The following SPINT2 variants were observed in gnomAD, a reference collection of about 807,000 sequenced individuals.
The protein encoded by SPINT2 is serine peptidase inhibitor, Kunitz type 2.
In SPINT2, 18 loss-of-function variants were observed where a neutral mutation model predicts 30.1. The observed-to-expected ratio is 0.60, with a 90% CI of 0.41 to 0.89. The LOEUF is 0.89. Among genes scored for constraint, SPINT2 ranks in the 40% least tolerant of loss-of-function variants. The pLI is 0.00. For synonymous variants in SPINT2, 139 were observed against 137.9 expected (o/e 1.01, Z -0.05); for missense variants, 276 against 334.3 (o/e 0.83, Z 1.36).
intron 6 of SPINT2, chr19:38,291,583 T>A (rs1322248979): frequency 1.2e-5 from 6 of 504,152 alleles, no homozygotes; most frequent in Non-Finnish European, 2.1e-5. Context: ...GGAACACAGA[T>A]GACTACTCTG....
In SPINT2 at chr19:38,290,907, A is replaced by T. The variant is rs1968710035; in HGVS notation, c.592+332A>T. On this transcript the variant is annotated intron_variant, in intron 6 of 6. Transcript: ENST00000301244. The surrounding 1 kb of genome is among the most constrained non-coding windows in gnomAD (Gnocchi z 4.3). ...GAGGGAGCGCTGCTATGTGGGGCAT[A>T]AGAGTTGGTCACGGGTGACAGGACG... is the stretch of plus-strand genomic sequence containing the variant. 2.2e-6 allele frequency: 1 copy of T among 446,086 alleles called. No individual in the cohort carries two copies. The highest frequency in any genetic ancestry group is 4.2e-6 in the Non-Finnish European group (1 of 239,090). The allele number at this position is 446,086 out of a possible 1,614,324, so 27.6% of individuals were successfully genotyped here.
rs147963366 is a variant in SPINT2, at chr19:38,266,504, C to T, written c.106+1506C>T. On this transcript the variant is annotated intron_variant, in intron 1 of 6. Transcript: ENST00000301244. ...CACCCTAGGCAACATGATGAAACCC[C>T]GTCTCTACCAAAAATACAAAAATTA... Among the ~76,000 whole-genome samples, 1,154 of 152,166 alleles carry T rather than the reference C, an allele frequency of 7.6e-3. 14 individuals are homozygous for T. The highest frequency in any genetic ancestry group is 0.025 in the African/African-American group (1,057 of 41,518).
At chr19:38,286,656 G>C (rs181951961) in intron 2 of SPINT2, among the ~76,000 whole-genome samples, 2 of 152,278 alleles carry the variant, frequency 1.3e-5, no homozygotes, top group East Asian at 3.9e-4. Context: ...GGTGGCGGGC[G>C]CCTGTGGTCC....
intron 1 of SPINT2, among the ~76,000 whole-genome samples, chr19:38,272,500 G>A (rs41465446): frequency 0.11 from 16,940 of 152,184 alleles, 1,042 homozygotes; most frequent in East Asian, 0.16. Flanking sequence ...AATGGTCCAT[G>A]ATTTGCACAA....
chr19:38,276,440 G>A (rs907464798), intron 1 of SPINT2, among the ~76,000 whole-genome samples: 9 of 152,026 alleles, frequency 5.9e-5, no homozygotes, highest in Non-Finnish European at 1.0e-4. Flanking sequence ...TCAGGAGATC[G>A]AAACCACTGT....
intron 3 of SPINT2, among the ~76,000 whole-genome samples, chr19:38,288,211 C>T (rs1275191155): frequency 6.6e-6 from 1 of 152,154 alleles, no homozygotes; most frequent in Non-Finnish European, 1.5e-5. Context: ...GTGGCTGCTG[C>T]CCATGAGGCT....
chr19:38,266,391 G>A (rs952778825), intron 1 of SPINT2, among the ~76,000 whole-genome samples: 3 of 149,190 alleles, frequency 2.0e-5, no homozygotes, highest in Non-Finnish European at 4.4e-5. Context: ...AAAAAAAAAA[G>A]AAGGCCGGGT....
chr19:38,286,477 C>T (rs1245294056), intron 2 of SPINT2, among the ~76,000 whole-genome samples: 1 of 152,140 alleles, frequency 6.6e-6, no homozygotes, highest in Non-Finnish European at 1.5e-5. Flanking sequence ...GGGAGATAAG[C>T]GCTGTGTAAA....
At chr19:38,283,477 T>C in intron 1 of SPINT2, 150 bp from the exon 2 acceptor site, 1 of 927,656 alleles carries the variant, frequency 1.1e-6, no homozygotes, top group Non-Finnish European at 1.7e-6. Flanking sequence ...AGTGGGCCTG[T>C]TGACGATCTG....
In SPINT2 at chr19:38,290,725, G is replaced by T; in HGVS notation, c.592+150G>T. ...TGTTTCTGCGTGAGAATGGCGAGGT[G>T]GTGGTTTGTCCCACCGTTCAGTGTA... On this transcript the variant is annotated intron_variant, in intron 6 of 6. Coordinates refer to ENST00000301244, the MANE Select transcript of SPINT2 (RefSeq NM_021102.4). This position sits in a 1 kb window ranked among gnomAD's most constrained non-coding sequence, Gnocchi z 4.3. The T allele has an allele frequency of 3.5e-6, 4 of 1,145,150 alleles. No homozygotes were observed. The highest frequency in any genetic ancestry group is 5.1e-6 in the Non-Finnish European group (4 of 792,062). The allele number at this position is 1,145,150 out of a possible 1,614,324, so 70.9% of individuals were successfully genotyped here.
intron 1 of SPINT2, among the ~76,000 whole-genome samples, chr19:38,269,607 C>CTTTTTTT (rs1189751582): frequency 2.8e-5 from 3 of 106,188 alleles, no homozygotes; most frequent in South Asian, 3.1e-4. Flanking sequence ...GATTTCTTTT[C>CTTTTTTT]TTTTTTTTTT....
At chr19:38,283,874 C>G in intron 2 of SPINT2, 77 bp downstream of exon 2, 3 of 1,423,114 alleles carry the variant, frequency 2.1e-6, no homozygotes, top group Non-Finnish European at 2.8e-6. Flanking sequence ...CGGAGTCTTG[C>G]TCTGTCGCCC....
At chr19:38,274,826 A>AAC (rs1968497496) in intron 1 of SPINT2, among the ~76,000 whole-genome samples, 1 of 151,688 alleles carries the variant, frequency 6.6e-6, no homozygotes, top group African/African-American at 2.4e-5. Flanking sequence ...AAAAAAAAAA[A>AAC]ACATAAAATG....
chr19:38,274,030 A>G (rs954509784), intron 1 of SPINT2, among the ~76,000 whole-genome samples: 2 of 152,124 alleles, frequency 1.3e-5, no homozygotes, highest in Admixed American at 1.3e-4. Flanking sequence ...CAGGACTTCA[A>G]TACTAGTCTG....
intron 2 of SPINT2, among the ~76,000 whole-genome samples, chr19:38,287,607 A>G (rs931966837): frequency 6.6e-6 from 1 of 151,598 alleles, no homozygotes; most frequent in African/African-American, 2.4e-5. Flanking sequence ...AATTACAGCC[A>G]TGAGCCACCA....
intron 4 of SPINT2, 174 bp from the exon 5 acceptor site, chr19:38,289,945 A>G (rs1968694803): frequency 2.8e-6 from 2 of 720,670 alleles, no homozygotes; most frequent in Admixed American, 2.2e-5. Context: ...CCTGGACCCA[A>G]GGAGCAGCGC....
intron 1 of SPINT2, among the ~76,000 whole-genome samples, chr19:38,279,432 G>T (rs1219059757): frequency 6.6e-6 from 1 of 151,764 alleles, no homozygotes; most frequent in Non-Finnish European, 1.5e-5. Flanking sequence ...GGGAGGTGGA[G>T]GTTGCAGTGA....
intron 1 of SPINT2, 103 bp downstream of exon 1, chr19:38,265,101 GC>G: frequency 1.1e-6 from 1 of 940,664 alleles, no homozygotes; most frequent in South Asian, 1.6e-5. Context: ...GAAACTGGGG[GC>G]TACTTGATGG....
intron 1 of SPINT2, among the ~76,000 whole-genome samples, chr19:38,274,772 A>C (rs916572491): frequency 4.0e-5 from 6 of 151,372 alleles, no homozygotes; most frequent in African/African-American, 1.5e-4. Context: ...CCTAGATCGC[A>C]CTATTGCATT....
Sources: gnomAD v4.1 joint callset for allele counts (sites outside exome capture counted in the v4.1 genomes callset) on GRCh38, gnomAD v4.1.1 for gene constraint, Gnocchi (gnomAD v3.1) non-coding constraint, MANE v1.5 for transcripts, NCBI Gene and HGNC (gene_info 2026-07-23, HGNC 2026-07-21) for gene names.